BANK1: variants seen among roughly 807,000 people sequenced by gnomAD.
BANK1 encodes B-cell scaffold protein with ankyrin repeats.
Under a neutral mutation model 94.5 loss-of-function variants are expected in BANK1, and 95 were observed. The observed-to-expected ratio is 1.00, with a 90% CI of 0.85 to 1.19. The LOEUF (loss-of-function observed/expected upper bound fraction) is 1.19, where lower values mean the gene tolerates loss of function less well. Among genes scored for constraint, BANK1 ranks in the 50% most tolerant of loss-of-function variants. The pLI, the probability that BANK1 is intolerant of heterozygous loss-of-function variation, is 0.00. For synonymous variants in BANK1, 334 were observed against 308.4 expected (o/e 1.08, Z -0.87); for missense variants, 987 against 932.2 (o/e 1.06, Z -0.77).
At chr4:102,058,438 T>C (rs1728307867) in intron 11 of BANK1, among the ~76,000 whole-genome samples, 1 of 152,104 alleles carries the variant, frequency 6.6e-6, no homozygotes, top group African/African-American at 2.4e-5. Flanking sequence ...ATTAAATTCA[T>C]ACTAACTCTT....
At chr4:101,974,431 C>A (rs888835500) in intron 7 of BANK1, among the ~76,000 whole-genome samples, 6 of 152,156 alleles carry the variant, frequency 3.9e-5, no homozygotes, top group African/African-American at 1.4e-4. Context: ...CCTACCTTTT[C>A]ATCAGTTTAA....
chr4:101,856,210 C>A (rs866987301), intron 3 of BANK1, among the ~76,000 whole-genome samples: 8 of 152,226 alleles, frequency 5.3e-5, no homozygotes, highest in Middle Eastern at 3.4e-3. Flanking sequence ...ACTCTCTAGA[C>A]CCTTACCCCA....
chr4:101,862,359 A>G (rs1184139635), intron 3 of BANK1, among the ~76,000 whole-genome samples, 167 bp from the exon 4 acceptor site: 1 of 152,156 alleles, frequency 6.6e-6, no homozygotes, highest in Non-Finnish European at 1.5e-5. Flanking sequence ...AAATGTAGTG[A>G]GAATCACATT....
At chr4:101,861,763 G>A (rs942632156) in intron 3 of BANK1, among the ~76,000 whole-genome samples, 2 of 151,994 alleles carry the variant, frequency 1.3e-5, no homozygotes, top group Admixed American at 1.3e-4. Context: ...AAAAAGTGCT[G>A]AGTATAATTT....
intron 7 of BANK1, among the ~76,000 whole-genome samples, chr4:102,008,051 C>T (rs1726363170): frequency 6.6e-6 from 1 of 152,086 alleles, no homozygotes. Flanking sequence ...AGTTTCATTT[C>T]CCAATATCTA....
intron 13 of BANK1, among the ~76,000 whole-genome samples, chr4:102,070,379 C>T (rs1320913947): frequency 6.6e-6 from 1 of 152,158 alleles, no homozygotes; most frequent in Non-Finnish European, 1.5e-5. Context: ...TGCATGCCCA[C>T]ATAAGGCTTT....
At chr4:101,806,350 A>AG (rs1725552657) in intron 1 of BANK1, among the ~76,000 whole-genome samples, 1 of 28,060 alleles carries the variant, frequency 3.6e-5, no homozygotes, top group African/African-American at 4.9e-4. Context: ...AATGTTTAAA[A>AG]AAAAATAAAA....
At chr4:101,852,681 T>C (rs4607219) in intron 2 of BANK1, among the ~76,000 whole-genome samples, 83,856 of 150,854 alleles carry the variant, frequency 0.56, 24,747 homozygotes, top group African/African-American at 0.76. Context: ...TTAAATACTC[T>C]TTGATAGAAT....
chr4:102,027,867 G>A (rs1356150696), intron 9 of BANK1, among the ~76,000 whole-genome samples: 1 of 152,088 alleles, frequency 6.6e-6, no homozygotes, highest in Non-Finnish European at 1.5e-5. Flanking sequence ...TCAGTTCCAA[G>A]AAGCCCTATA....
At chr4:101,829,178 A>G (rs1231193776) in intron 1 of BANK1, among the ~76,000 whole-genome samples, 2 of 152,074 alleles carry the variant, frequency 1.3e-5, no homozygotes, top group Non-Finnish European at 1.5e-5. Context: ...GTTTTCTTTA[A>G]CAGTTTTAGC....
At chr4:101,905,134 C>T (rs1722405860) in intron 6 of BANK1, among the ~76,000 whole-genome samples, 1 of 152,192 alleles carries the variant, frequency 6.6e-6, no homozygotes, top group African/African-American at 2.4e-5. Context: ...GTAGATACAA[C>T]AATTTGAATT....
At chr4:101,850,278 G>C (rs1727423793) in intron 2 of BANK1, among the ~76,000 whole-genome samples, 1 of 151,784 alleles carries the variant, frequency 6.6e-6, no homozygotes, top group Admixed American at 6.6e-5. Flanking sequence ...TGGTTGGTTG[G>C]TTTGTTTTTT....
intron 1 of BANK1, among the ~76,000 whole-genome samples, chr4:101,824,011 T>C (rs62321672): frequency 0.079 from 11,959 of 152,242 alleles, 676 homozygotes; most frequent in Admixed American, 0.19. Context: ...GAAAAGACAA[T>C]GTGTGTATTA....
intron 13 of BANK1, among the ~76,000 whole-genome samples, chr4:102,063,754 G>T (rs1728500444): frequency 1.3e-5 from 2 of 149,478 alleles, no homozygotes; most frequent in Admixed American, 6.7e-5. Flanking sequence ...AAGGCACAGA[G>T]ATTGCAGTGA....
At chr4:101,871,197 G>A (rs17031755) in intron 5 of BANK1, among the ~76,000 whole-genome samples, 18,152 of 151,832 alleles carry the variant, frequency 0.12, 1,445 homozygotes, top group East Asian at 0.24. Flanking sequence ...GATGTTTATT[G>A]GGAATATGTG....
chr4:101,995,606 G>A (rs112385855), intron 7 of BANK1, among the ~76,000 whole-genome samples: 29 of 151,966 alleles, frequency 1.9e-4, no homozygotes, highest in African/African-American at 6.3e-4. Context: ...CTCCAGCATC[G>A]TTGTTTCCTG....
intron 1 of BANK1, among the ~76,000 whole-genome samples, chr4:101,801,001 A>G (rs112818438): frequency 6.6e-6 from 1 of 152,078 alleles, no homozygotes; most frequent in Non-Finnish European, 1.5e-5. Context: ...TAGATGATCC[A>G]CCTGCCTTGG....
chr4:102,001,427 C>A (rs1032131901), intron 7 of BANK1, among the ~76,000 whole-genome samples: 1 of 152,168 alleles, frequency 6.6e-6, no homozygotes, highest in Non-Finnish European at 1.5e-5. Flanking sequence ...TGGTGAAACC[C>A]AGTCTCTACT....
At chr4:101,829,728 C>T in intron 1 of BANK1, 80 bp from the exon 2 acceptor site, 1 of 868,396 alleles carries the variant, frequency 1.2e-6, no homozygotes, top group Non-Finnish European at 1.7e-6. Context: ...GCCTAGTGAG[C>T]ATATTAAAAT....
Sources: allele counts gnomAD v4.1 joint callset (sites outside exome capture counted in the v4.1 genomes callset), GRCh38; gene constraint gnomAD v4.1.1; transcripts MANE v1.5; gene names NCBI Gene and HGNC (gene_info 2026-07-23, HGNC 2026-07-21).